The following WAPL variants were observed in gnomAD, a reference collection of about 807,000 sequenced individuals.
WAPL encodes the protein wings apart-like protein homolog.
A neutral mutation model predicts 121.0 loss-of-function variants in WAPL; 5 were observed. That is an observed-to-expected ratio of 0.04 (90% CI 0.02 to 0.09). The LOEUF is 0.09. Among genes scored for constraint, WAPL ranks in the 10% least tolerant of loss-of-function variants. The probability of loss-of-function intolerance (pLI) is 1.00; values close to 1 mark genes in which losing one functional copy is unlikely to be tolerated. For missense variants in WAPL, 999 were observed against 1,410.8 expected (o/e 0.71, Z 4.68); for synonymous variants, 480 against 481.5 (o/e 1.00, Z 0.04).
intron 15 of WAPL, among the ~76,000 whole-genome samples, chr10:86,446,897 T>C (rs1010549745): frequency 2.0e-5 from 3 of 152,194 alleles, no homozygotes; most frequent in African/African-American, 7.2e-5. Context: ...GAAAATCAAA[T>C]GCCAAGTAGA....
chr10:86,506,982 C>T (rs983101926), intron 2 of WAPL, among the ~76,000 whole-genome samples: 2 of 151,606 alleles, frequency 1.3e-5, no homozygotes, highest in African/African-American at 4.8e-5. Flanking sequence ...TATAAGAGCC[C>T]CTTCTTGGCT....
intron 16 of WAPL, among the ~76,000 whole-genome samples, chr10:86,445,870 T>C (rs1849604569): frequency 6.6e-6 from 1 of 152,166 alleles, no homozygotes; most frequent in Non-Finnish European, 1.5e-5. Flanking sequence ...GAACTATTAC[T>C]GTAATCTGAC....
intron 4 of WAPL, among the ~76,000 whole-genome samples, chr10:86,480,529 A>G (rs1312601596): frequency 6.6e-6 from 1 of 152,244 alleles, no homozygotes; most frequent in African/African-American, 2.4e-5. Context: ...ATCAGCTAAA[A>G]TAACAGTTCT....
chr10:86,470,036 TC>T (rs1841500903), intron 8 of WAPL, among the ~76,000 whole-genome samples: 1 of 151,422 alleles, frequency 6.6e-6, no homozygotes, highest in Non-Finnish European at 1.5e-5. Context: ...CAAACTAACT[TC>T]TTTTTTTTTT....
chr10:86,453,344 A>C lies in WAPL; in HGVS notation c.2834-9T>G. The C allele has an allele frequency of 6.2e-7, 1 of 1,613,428 alleles. No individual in the cohort carries two copies. Among genetic ancestry groups the C allele is most frequent in the Non-Finnish European group, 8.5e-7 (1 of 1,179,496 alleles). ...TTTGGTGCTGCCCCACTCTGAAATA[A>C]GAAATGGATACAGGAAAATGGTTAC... On this transcript the variant is annotated splice_polypyrimidine_tract_variant and intron_variant, in intron 13 of 18. Coordinates refer to ENST00000298767, the MANE Select transcript of WAPL (RefSeq NM_015045.5).
At chr10:86,486,057 T>C (rs1841924791) in intron 4 of WAPL, among the ~76,000 whole-genome samples, 1 of 152,184 alleles carries the variant, frequency 6.6e-6, no homozygotes, top group South Asian at 2.1e-4. Flanking sequence ...GTTTCCCTCA[T>C]CACCAATCCA....
Position 86,436,834 on chromosome 10 carries a change from A to T in WAPL, c.*709T>A, listed in dbSNP as rs1849335685. ...TCAAACTGTTGTTTTTCTTGTGCCT[A>T]TAGCTATGACACATTATGGTATGAT... is the stretch of plus-strand genomic sequence containing the variant. On this transcript the variant is annotated 3_prime_UTR_variant, in exon 19 of 19. Coordinates refer to ENST00000298767, the MANE Select transcript of WAPL (RefSeq NM_015045.5). The T allele has an allele frequency of 6.6e-6, 1 of 152,634 alleles. No homozygotes were observed. Among genetic ancestry groups the T allele is most frequent in the Non-Finnish European group, 1.5e-5 (1 of 68,038 alleles). The allele number at this position is 152,634 out of a possible 1,614,324, so 9.5% of individuals were successfully genotyped here.
intron 12 of WAPL, among the ~76,000 whole-genome samples, chr10:86,456,404 CAA>C (rs200771344): frequency 2.1e-4 from 25 of 117,640 alleles, no homozygotes; most frequent in Non-Finnish European, 2.6e-4. Flanking sequence ...TTTATGATAC[CAA>C]AAAAAAAAAA....
intron 2 of WAPL, among the ~76,000 whole-genome samples, chr10:86,512,180 T>C (rs1842476393): frequency 6.6e-6 from 1 of 152,214 alleles, no homozygotes; most frequent in South Asian, 2.1e-4. Flanking sequence ...TAATAAAACA[T>C]TTCCCTTTCT....
At chr10:86,473,223 A>G (rs1462496022) in intron 5 of WAPL, among the ~76,000 whole-genome samples, 4 of 152,214 alleles carry the variant, frequency 2.6e-5, no homozygotes, top group Non-Finnish European at 4.4e-5. Context: ...ATACAAAATG[A>G]TTTCTTTATA....
intron 2 of WAPL, among the ~76,000 whole-genome samples, chr10:86,503,991 G>A (rs529626909): frequency 1.3e-5 from 2 of 151,830 alleles, no homozygotes; most frequent in South Asian, 4.2e-4. Context: ...CCAACATGGT[G>A]AAACCCTGTC....
chr10:86,476,410 C>T (rs1841655939), intron 4 of WAPL, among the ~76,000 whole-genome samples: 1 of 149,920 alleles, frequency 6.7e-6, no homozygotes, highest in South Asian at 2.1e-4. Flanking sequence ...TATGTGCTGT[C>T]GGGTGTGGTG....
intron 3 of WAPL, among the ~76,000 whole-genome samples, chr10:86,498,011 T>C (rs751128490): frequency 1.3e-5 from 2 of 152,212 alleles, no homozygotes; most frequent in African/African-American, 2.4e-5. Flanking sequence ...GTTTCACTTA[T>C]GGTATGAAGA....
At chr10:86,461,972 T>G (rs1453062837) in intron 9 of WAPL, among the ~76,000 whole-genome samples, 1 of 152,244 alleles carries the variant, frequency 6.6e-6, no homozygotes, top group Admixed American at 6.5e-5. Flanking sequence ...TACTGCGGGC[T>G]TAGCAGCTCA....
chr10:86,488,519 C>A (rs1841974079), intron 4 of WAPL: 1 of 152,228 alleles, frequency 6.6e-6, no homozygotes, highest in African/African-American at 2.4e-5. Flanking sequence ...ACAAGGATGA[C>A]ACACAAATTC....
chr10:86,504,459 G>C (rs985895752), intron 2 of WAPL, among the ~76,000 whole-genome samples: 2 of 147,634 alleles, frequency 1.4e-5, no homozygotes, highest in South Asian at 4.4e-4. Context: ...GGCAGATCAC[G>C]AGGTCAGGAG....
At chr10:86,488,652 A>G (rs1256482974) in intron 4 of WAPL, 1 of 152,248 alleles carries the variant, frequency 6.6e-6, no homozygotes, top group Admixed American at 6.5e-5. Flanking sequence ...CTAATGACAG[A>G]ACTATGATTT....
In WAPL at chr10:86,472,094, A is replaced by G; in HGVS notation, c.2030+114T>C. The G allele has an allele frequency of 1.1e-6, 1 of 939,116 alleles. No individual in the cohort carries two copies. Among genetic ancestry groups the G allele is most frequent in the Non-Finnish European group, 1.5e-6 (1 of 656,374 alleles). The allele number at this position is 939,116 out of a possible 1,614,324, so 58.2% of individuals were successfully genotyped here. A position where few individuals can be genotyped will look rare whatever the true frequency, so the allele number is the denominator to read the frequency against. On this transcript the variant is annotated intron_variant, in intron 7 of 18. Coordinates refer to ENST00000298767, the MANE Select transcript of WAPL (RefSeq NM_015045.5). This position sits in a 1 kb window ranked among gnomAD's most constrained non-coding sequence, Gnocchi z 4.2. ...AGCATTTTAACATATCACTGGCTAT[A>G]CATACTACCCCATCATAACAAAATA...
At chr10:86,504,560 C>G (rs929124883) in intron 2 of WAPL, among the ~76,000 whole-genome samples, 1 of 149,508 alleles carries the variant, frequency 6.7e-6, no homozygotes, top group Non-Finnish European at 1.5e-5. Context: ...ACCTGTAGTC[C>G]AAGCTACTTG....
Sources: allele counts gnomAD v4.1 joint callset (sites outside exome capture counted in the v4.1 genomes callset), GRCh38; gene constraint gnomAD v4.1.1; non-coding constraint Gnocchi (gnomAD v3.1); transcripts MANE v1.5; gene names NCBI Gene and HGNC (gene_info 2026-07-23, HGNC 2026-07-21).